Variants in CTU1 observed in about 807,000 individuals in gnomAD.
CTU1 encodes the protein cytoplasmic tRNA 2-thiolation protein 1.
Under a neutral mutation model 12.9 loss-of-function variants are expected in CTU1, and 15 were observed. The observed-to-expected ratio is 1.16, with a 90% CI of 0.78 to 1.79. CTU1 has a LOEUF of 1.79. CTU1 is among the 40% of genes most tolerant of loss of function. CTU1 has a pLI of 0.00. For synonymous variants in CTU1, 295 were observed against 275.6 expected, an observed-to-expected ratio of 1.07 and a Z score of -0.70; for missense variants, 553 against 550.5, an observed-to-expected ratio of 1.00 and a Z score of -0.05.
At chr19:51,103,014 G>A (rs778937687) in intron 2 of CTU1, among the ~76,000 whole-genome samples, 2 of 152,132 alleles carry the variant, frequency 1.3e-5, no homozygotes, top group Non-Finnish European at 2.9e-5. Context: ...GAACTTGTGC[G>A]TAACTGTATT....
rs576201344 is a variant in CTU1 at position 51,101,008 on chromosome 19, G to A, written c.509-1869C>T. Among the ~76,000 whole-genome samples the A allele has an allele frequency of 3.4e-3, 517 of 151,402 alleles. 2 individuals are homozygous for A. Among genetic ancestry groups the A allele is most frequent in the South Asian group, 6.5e-3 (31 of 4,780 alleles). ...TGCCCAGGCTGGAGGACAGTGGCAC[G>A]ATCTCAGCTCACTGCAACCTCTGTC... On this transcript the variant is annotated intron_variant, in intron 2 of 2. Coordinates refer to ENST00000421832, the MANE Select transcript of CTU1 (RefSeq NM_145232.4).
chr19:51,100,411 A>C (rs2091904505), intron 2 of CTU1, among the ~76,000 whole-genome samples: 2 of 152,116 alleles, frequency 1.3e-5, no homozygotes, highest in Non-Finnish European at 2.9e-5. Flanking sequence ...CGAGTTTGAG[A>C]CCAGCCTGGC....
intron 1 of CTU1, among the ~76,000 whole-genome samples, chr19:51,104,852 G>A (rs1472130969): frequency 6.6e-6 from 1 of 152,192 alleles, no homozygotes; most frequent in African/African-American, 2.4e-5. Context: ...CTGGCTTCAT[G>A]GGTAAAGAGA....
At chr19:51,099,181 G>A in intron 2 of CTU1, 42 bp from the exon 3 acceptor site, 1 of 1,527,800 alleles carries the variant, frequency 6.5e-7, no homozygotes, top group African/African-American at 1.4e-5. Context: ...GGGCGCGGAG[G>A]GCGCTGCTGG....
At position 51,098,961 on chromosome 19, in the gene CTU1, G is replaced by A; in HGVS notation, c.687C>T (p.Arg229=). ...CGCACTCCTCGGAGAAGTAGTCGAG[G>A]CGGCGGAAGTGCGCGTACAGCACCA... ...KEVVLYAHFR[R]LDYFSEECVY... Residue 229 remains arginine, a synonymous_variant, in exon 3 of 3, where the codon CGC becomes CGT. Coordinates refer to ENST00000421832, the MANE Select transcript of CTU1 (RefSeq NM_145232.4). The surrounding 1 kb of genome is among the most constrained non-coding windows in gnomAD (Gnocchi z 4.3). 6.5e-7 allele frequency: 1 copy of A among 1,544,170 alleles called. No homozygotes were observed. The highest frequency in any genetic ancestry group is 1.2e-5 in the South Asian group (1 of 86,058).
chr19:51,104,475 G>T lies in CTU1; in HGVS notation c.95C>A (p.Ala32Asp). Residue 32 changes from alanine (A) to aspartate (D), a missense_variant, in exon 2 of 3, where the codon GCC (alanine) becomes GAC (aspartate). This residue lies in a region of CTU1 where 500 missense variants were observed against 458.5 expected (regional missense o/e 1.09). Coordinates refer to ENST00000421832, the MANE Select transcript of CTU1 (RefSeq NM_145232.4). The stretch of plus-strand genomic sequence containing the variant: ...GTGCAGCACCTCGGCCTCGAAGGCG[G>T]CGCAGAAGCAGGCACCGCACAGCGC... ...GQALCGACFC[A>D]AFEAEVLHTV... is the part of the protein sequence containing the mutation. 1 of 1,317,120 alleles carries T rather than the reference G, an allele frequency of 7.6e-7. No individual in the cohort carries two copies. The highest frequency in any genetic ancestry group is 9.7e-7 in the Non-Finnish European group (1 of 1,034,976). The allele number at this position is 1,317,120 out of a possible 1,614,324, so 81.6% of individuals were successfully genotyped here.
intron 2 of CTU1, among the ~76,000 whole-genome samples, chr19:51,103,019 T>C (rs539921396): frequency 1.2e-4 from 19 of 152,350 alleles, no homozygotes; most frequent in African/African-American, 4.3e-4. Context: ...TGTGCGTAAC[T>C]GTATTCTCAG....
chr19:51,098,694 G>A lies in CTU1; in HGVS notation c.954C>T (p.Gly318=). 7.8e-7 allele frequency: 1 copy of A among 1,288,426 alleles called. No homozygotes were observed. The highest frequency in any genetic ancestry group is 1.6e-5 in the African/African-American group (1 of 64,182). 79.8% of individuals were successfully genotyped at this position (1,288,426 alleles called of 1,614,324 possible). ...LNRGRPRLAI[G]KGRRGLDEEA... Reference sequence around the variant, plus strand: ...CCTCGTCCAGACCCCGGCGGCCCTTGCCGATGGCCAGGCGGGGCCGGCCGC... The same window carrying A: ...CCTCGTCCAGACCCCGGCGGCCCTTACCGATGGCCAGGCGGGGCCGGCCGC... The change falls in exon 3 of 3, where the codon GGC becomes GGT. Residue 318 remains glycine (G), a synonymous_variant. Transcript: ENST00000421832. The surrounding 1 kb of genome is among the most constrained non-coding windows in gnomAD (Gnocchi z 4.3).
rs375096142 is a variant in CTU1, at chr19:51,098,859, C to T, written c.789G>A (p.Val263=). 2 of 1,379,358 alleles carry T rather than the reference C, an allele frequency of 1.4e-6. No individual in the cohort carries two copies. Among genetic ancestry groups the T allele is most frequent in the South Asian group, 2.7e-5 (2 of 73,180 alleles). 85.4% of individuals were successfully genotyped at this position (1,379,358 alleles called of 1,614,324 possible). A position where few individuals can be genotyped will look rare whatever the true frequency, so the allele number is the denominator to read the frequency against. ...GCTCGGCCGAGTGCACGAGGTCCAG[C>T]ACCGCGGACGGCCGCGCCGCCTCCA... is the stretch of plus-strand genomic sequence containing the variant. The part of the protein sequence containing the change: ...KRLEAARPSA[V]LDLVHSAERL... The change falls in exon 3 of 3, where the codon GTG becomes GTA. Residue 263 remains valine (V), a synonymous_variant. Coordinates refer to ENST00000421832, the MANE Select transcript of CTU1 (RefSeq NM_145232.4). This position sits in a 1 kb window ranked among gnomAD's most constrained non-coding sequence, Gnocchi z 4.3.
At chr19:51,104,623 A>G (rs1461100105) in intron 1 of CTU1, 33 bp from the exon 2 acceptor site, 2 of 1,221,296 alleles carry the variant, frequency 1.6e-6, no homozygotes, top group Non-Finnish European at 2.0e-6. Context: ...TGGGTTACAT[A>G]TGGATTCCGG....
Position 51,105,569 on chromosome 19 carries a change from A to G in CTU1, c.-21-979T>C, listed in dbSNP as rs78738319. 2.6e-5 allele frequency among the ~76,000 whole-genome samples: 4 copies of G among 152,318 alleles called. No homozygotes were observed. In the East Asian group the frequency reaches 7.7e-4, roughly 29 times the overall value. On this transcript the variant is annotated intron_variant, in intron 1 of 2. Transcript: ENST00000421832. ...ACCTCCTTGCCATTCAGAGCAGGTC[A>G]CGCTGCTTCTAGGATTTACCACAAT...
rs1220113744 is a variant in CTU1, at chr19:51,098,801, GCGGGGGCCGCGCGGC to G, written c.832_846del (p.Ala278_Pro282del). 2.9e-6 allele frequency: 3 copies of G among 1,044,082 alleles called. No homozygotes were observed. The highest frequency in any genetic ancestry group is 1.5e-4 in the East Asian group (2 of 13,644). The allele number at this position is 1,044,082 out of a possible 1,614,324, so 64.7% of individuals were successfully genotyped here. A position where few individuals can be genotyped will look rare whatever the true frequency, so the allele number is the denominator to read the frequency against. ...CCACAGCGGGAGCAGGCGCCGGGGC[GCGGGGGCCGCGCGGC>G]CGGGGCCAGCGCCAGGCGCTCGGCC... is the stretch of plus-strand genomic sequence containing the variant. On this transcript the variant is annotated inframe_deletion, in exon 3 of 3. Coordinates refer to ENST00000421832, the MANE Select transcript of CTU1 (RefSeq NM_145232.4). This position sits in a 1 kb window ranked among gnomAD's most constrained non-coding sequence, Gnocchi z 4.3.
chr19:51,105,576 T>A (rs1206316294), intron 1 of CTU1, among the ~76,000 whole-genome samples: 1 of 152,224 alleles, frequency 6.6e-6, no homozygotes, highest in Non-Finnish European at 1.5e-5. Flanking sequence ...GTCACGCTGC[T>A]TCTAGGATTT....
chr19:51,099,592 G>T (rs1299392295), intron 2 of CTU1, among the ~76,000 whole-genome samples: 1 of 152,210 alleles, frequency 6.6e-6, no homozygotes, highest in African/African-American at 2.4e-5. Flanking sequence ...CTGCATAGCG[G>T]ACCTTATGCT....
At chr19:51,103,661 T>C (rs1332522412) in intron 2 of CTU1, among the ~76,000 whole-genome samples, 2 of 151,822 alleles carry the variant, frequency 1.3e-5, no homozygotes, top group Non-Finnish European at 2.9e-5. Context: ...GAGATGCTTT[T>C]TAGAGAAAGA....
In CTU1 at chr19:51,104,277, G is replaced by A. The variant is rs868839283; in HGVS notation, c.293C>T (p.Ala98Val). The change falls in exon 2 of 3, where the codon GCG (alanine) becomes GTG (valine). Residue 98 changes from alanine (A) to valine (V), a missense_variant. Ala to Val is a moderately conservative substitution (Grantham distance 64). Transcript: ENST00000421832. ...CGCCTGGCGCCGCACGGCCGCCAACGCCGCGTCCCGGTAGCCACCGATGCC... is the reference window on the plus strand; with the variant it reads ...CGCCTGGCGCCGCACGGCCGCCAACACCGCGTCCCGGTAGCCACCGATGCC... ...DEGIGGYRDA[A>V]LAAVRRQAAR... 6.7e-7 allele frequency: 1 copy of A among 1,501,798 alleles called. No individual in the cohort carries two copies. The highest frequency in any genetic ancestry group is 8.8e-7 in the Non-Finnish European group (1 of 1,130,230). 93.0% of individuals were successfully genotyped at this position (1,501,798 alleles called of 1,614,324 possible).
chr19:51,100,555 C>T (rs1031963390), intron 2 of CTU1, among the ~76,000 whole-genome samples: 17 of 152,058 alleles, frequency 1.1e-4, no homozygotes, highest in African/African-American at 4.1e-4. Flanking sequence ...GCCGAGATCA[C>T]TCCACTGCAC....
In CTU1 at chr19:51,098,762, G is replaced by A; in HGVS notation, c.886C>T (p.Arg296Cys). The A allele has an allele frequency of 1.8e-6, 2 of 1,114,392 alleles. No homozygotes were observed. Among genetic ancestry groups the A allele is most frequent in the Non-Finnish European group, 1.1e-6 (1 of 912,598 alleles). The allele number at this position is 1,114,392 out of a possible 1,614,324, so 69.0% of individuals were successfully genotyped here. Residue 296 changes from arginine to cysteine, a missense_variant, in exon 3 of 3, where the codon CGC becomes TGC. Coordinates refer to ENST00000421832, the MANE Select transcript of CTU1 (RefSeq NM_145232.4). This position sits in a 1 kb window ranked among gnomAD's most constrained non-coding sequence, Gnocchi z 4.3. ...AGCGCGCAGGCCTGGCAGAGCGCGC[G>A]GCTGGCCAGCGCCCCACAGCGGGAG... ...ACSRCGALAS[R>C]ALCQACALLD...
rs1258655592 is a variant in CTU1, at chr19:51,104,342, C to T, written c.228G>A (p.Pro76=). The change falls in exon 2 of 3, where the codon CCG becomes CCA. Residue 76 remains proline, a synonymous_variant. Coordinates refer to ENST00000421832, the MANE Select transcript of CTU1 (RefSeq NM_145232.4). ...CGAGCTGCAGTGAGATGCCCAGGCGCGGCGCCAGCGCGCGCAGCACGTGCG... is the reference window on the plus strand; with the variant it reads ...CGAGCTGCAGTGAGATGCCCAGGCGTGGCGCCAGCGCGCGCAGCACGTGCG... ...VLAHVLRALA[P]RLGISLQLVA... is the part of the protein sequence containing the mutation. 3 of 1,463,450 alleles carry T rather than the reference C, an allele frequency of 2.0e-6. No homozygotes were observed. Among genetic ancestry groups the T allele is most frequent in the African/African-American group, 1.5e-5 (1 of 66,732 alleles). 90.7% of individuals were successfully genotyped at this position (1,463,450 alleles called of 1,614,324 possible).
Sources: allele counts gnomAD v4.1 joint callset (sites outside exome capture counted in the v4.1 genomes callset), GRCh38; gene constraint gnomAD v4.1.1; regional missense constraint gnomAD v4.1.1; non-coding constraint Gnocchi (gnomAD v3.1); transcripts MANE v1.5; gene names NCBI Gene and HGNC (gene_info 2026-07-23, HGNC 2026-07-21).